Variants in RORA observed in about 807,000 individuals in gnomAD.
RORA encodes the protein RAR related orphan receptor A.
RORA carries 7 observed loss-of-function variants against 69.5 expected under a neutral mutation model. The ratio of observed to expected loss-of-function variants is 0.10; its 90% CI spans 0.06 to 0.19. RORA has a LOEUF of 0.19. Among genes scored for constraint, RORA ranks in the 10% least tolerant of loss-of-function variants. The probability of loss-of-function intolerance (pLI) is 1.00; values close to 1 mark genes in which losing one functional copy is unlikely to be tolerated. For missense variants in RORA, 457 were observed against 663.0 expected, an observed-to-expected ratio of 0.69 and a Z score of 3.41; for synonymous variants, 261 against 240.8, an observed-to-expected ratio of 1.08 and a Z score of -0.78.
chr15:60,546,706 C>T (rs190780833), intron 2 of RORA, among the ~76,000 whole-genome samples: 1 of 152,256 alleles, frequency 6.6e-6, no homozygotes, highest in East Asian at 1.9e-4. Context: ...TGTCCTCAAC[C>T]CGAGTTTGCG....
chr15:60,637,505 C>A (rs1161375086), intron 2 of RORA, among the ~76,000 whole-genome samples: 1 of 151,994 alleles, frequency 6.6e-6, no homozygotes, highest in Non-Finnish European at 1.5e-5. Context: ...TAGAGAAAAT[C>A]TGCCTGTATC....
rs891659445 is a variant in RORA at position 61,045,918 on chromosome 15, C to G, written c.166+183135G>C. ...AAAGGACTTCGTGGCATGCAGAGAACAACAGGCACAACTATTGTCTCTGTC... is the reference window on the plus strand; with the variant it reads ...AAAGGACTTCGTGGCATGCAGAGAAGAACAGGCACAACTATTGTCTCTGTC... On this transcript the variant is annotated intron_variant, in intron 1 of 10. Transcript: ENST00000335670. Among the ~76,000 whole-genome samples the G allele has an allele frequency of 2.0e-5, 3 of 152,192 alleles. No individual in the cohort carries two copies. The East Asian group carries it at 5.8e-4, about 29-fold the overall frequency.
intron 1 of RORA, among the ~76,000 whole-genome samples, chr15:61,067,506 T>C (rs1002022105): frequency 9.9e-5 from 15 of 152,226 alleles, no homozygotes; most frequent in Admixed American, 4.6e-4. Flanking sequence ...ATTTGTTAAA[T>C]ACTTTTATAA....
chr15:61,161,687 C>A (rs1377064221), intron 1 of RORA, among the ~76,000 whole-genome samples: 1 of 151,972 alleles, frequency 6.6e-6, no homozygotes, highest in Non-Finnish European at 1.5e-5. Flanking sequence ...GTATTTGAAT[C>A]TTTAAACAGC....
At chr15:61,023,628 G>A (rs1030063029) in intron 1 of RORA, among the ~76,000 whole-genome samples, 1 of 152,214 alleles carries the variant, frequency 6.6e-6, no homozygotes, top group Non-Finnish European at 1.5e-5. Flanking sequence ...AGATCAGTTA[G>A]AAACCTTTAA....
intron 2 of RORA, among the ~76,000 whole-genome samples, chr15:60,570,476 C>T (rs1297037941): frequency 2.6e-5 from 4 of 151,980 alleles, no homozygotes; most frequent in Non-Finnish European, 4.4e-5. Context: ...GACTATAATG[C>T]GTGCCACCAT....
At chr15:60,643,134 T>C (rs553308978) in intron 2 of RORA, among the ~76,000 whole-genome samples, 17 of 152,330 alleles carry the variant, frequency 1.1e-4, no homozygotes, top group African/African-American at 3.8e-4. Context: ...TCCATCAGCC[T>C]GGGCGACAGA....
chr15:60,567,358 C>G (rs2067744891), intron 2 of RORA, among the ~76,000 whole-genome samples: 1 of 151,728 alleles, frequency 6.6e-6, no homozygotes, highest in Admixed American at 6.6e-5. Context: ...TTTGGGTTTG[C>G]ACCTTTTCTT....
At chr15:60,981,855 T>C (rs1894053630) in intron 1 of RORA, among the ~76,000 whole-genome samples, 1 of 151,874 alleles carries the variant, frequency 6.6e-6, no homozygotes, top group South Asian at 2.1e-4. Context: ...TCTCCTGGTA[T>C]GTGCCACTGA....
chr15:61,224,224 G>C (rs1344070885), intron 1 of RORA, among the ~76,000 whole-genome samples: 1 of 152,240 alleles, frequency 6.6e-6, no homozygotes, highest in African/African-American at 2.4e-5. Flanking sequence ...GAATCTGTGA[G>C]CGAGCAGATG....
chr15:61,108,537 G>C (rs2078972834), intron 1 of RORA, among the ~76,000 whole-genome samples: 1 of 152,204 alleles, frequency 6.6e-6, no homozygotes, highest in South Asian at 2.1e-4. Context: ...AGGCAGAGTT[G>C]AGTAGTTGTA....
intron 1 of RORA, among the ~76,000 whole-genome samples, chr15:60,876,691 C>T (rs561031297): frequency 6.6e-6 from 1 of 152,148 alleles, no homozygotes; most frequent in African/African-American, 2.4e-5. Context: ...GAAACTTCAT[C>T]TAGTGTTTAT....
chr15:60,698,526 A>G (rs1271657933), intron 1 of RORA, among the ~76,000 whole-genome samples: 4 of 152,086 alleles, frequency 2.6e-5, no homozygotes, highest in Non-Finnish European at 4.4e-5. Context: ...TAACTCTACC[A>G]CTTATTGATA....
chr15:60,659,911 A>G (rs897720293), intron 2 of RORA, among the ~76,000 whole-genome samples: 1 of 152,214 alleles, frequency 6.6e-6, no homozygotes, highest in African/African-American at 2.4e-5. Context: ...AATCTTGGAT[A>G]TCTTGTCATT....
At chr15:60,772,415 C>T (rs931828760) in intron 1 of RORA, among the ~76,000 whole-genome samples, 1 of 152,110 alleles carries the variant, frequency 6.6e-6, no homozygotes, top group East Asian at 1.9e-4. Context: ...CTCGTGATTG[C>T]CTGGATTTTA....
At chr15:60,897,194 G>A (rs1891252849) in intron 1 of RORA, among the ~76,000 whole-genome samples, 1 of 152,202 alleles carries the variant, frequency 6.6e-6, no homozygotes, top group Non-Finnish European at 1.5e-5. Flanking sequence ...AAGGGGCTAG[G>A]AGGGCCATCT....
At chr15:60,600,583 G>C (rs1351302414) in intron 2 of RORA, among the ~76,000 whole-genome samples, 1 of 152,150 alleles carries the variant, frequency 6.6e-6, no homozygotes, top group South Asian at 2.1e-4. Context: ...AACAAGAATA[G>C]ATTTGGGTAT....
chr15:60,883,178 GAGAGAA>G (rs1217901990), intron 1 of RORA, among the ~76,000 whole-genome samples: 18 of 129,192 alleles, frequency 1.4e-4, no homozygotes, highest in South Asian at 5.4e-4. Context: ...GAGAGAGAGA[GAGAGAA>G]AGAAAGAAAA....
intron 2 of RORA, among the ~76,000 whole-genome samples, chr15:60,643,905 A>G (rs527702344): frequency 6.6e-6 from 1 of 152,302 alleles, no homozygotes; most frequent in East Asian, 1.9e-4. Flanking sequence ...GGTTCAGGAC[A>G]GTGTGTGGCA....
Sources: allele counts gnomAD v4.1 joint callset (sites outside exome capture counted in the v4.1 genomes callset), GRCh38; gene constraint gnomAD v4.1.1; transcripts MANE v1.5; gene names NCBI Gene and HGNC (gene_info 2026-07-23, HGNC 2026-07-21).